The following GRM6 variants were observed in gnomAD, a reference collection of about 807,000 sequenced individuals.
The protein encoded by GRM6 is metabotropic glutamate receptor 6.
A neutral mutation model predicts 78.4 loss-of-function variants in GRM6; 73 were observed. The ratio of observed to expected loss-of-function variants is 0.93; its 90% CI spans 0.77 to 1.13. The LOEUF (loss-of-function observed/expected upper bound fraction) is 1.13. Among genes scored for constraint, GRM6 ranks in the 50% most tolerant of loss-of-function variants. The pLI is 0.00. For synonymous variants in GRM6, 580 were observed against 555.0 expected (o/e 1.05, Z -0.63); for missense variants, 1,251 against 1,256.4 (o/e 1.00, Z 0.07).
At chr5:178,985,426 G>T (rs1760493189) in intron 9 of GRM6, 3 of 355,986 alleles carry the variant, frequency 8.4e-6, no homozygotes, top group Non-Finnish European at 1.1e-5. Flanking sequence ...AAAACTCACT[G>T]GGCGCAGCGG....
Position 178,983,150 on chromosome 5 carries a change from C to A in GRM6, c.2196G>T (p.Thr732=). ...CCCCTCTGGCCTGCTCGGGGTCCAC[C>A]GTCCGCTGTTCCTCATAGTCAATCA... ...HSVIDYEEQR[T]VDPEQARGVL... Residue 732 remains threonine (T), a synonymous_variant, in exon 10 of 11, where the codon ACG becomes ACT. Coordinates refer to ENST00000517717, the MANE Select transcript of GRM6 (RefSeq NM_000843.4). 1 of 1,613,748 alleles carries A rather than the reference C, an allele frequency of 6.2e-7. No individual in the cohort carries two copies. The highest frequency in any genetic ancestry group is 8.5e-7 in the Non-Finnish European group (1 of 1,179,934).
chr5:178,994,411 G>T (rs1201130411), intron 2 of GRM6, 30 bp downstream of exon 2: 2 of 1,481,504 alleles, frequency 1.3e-6, no homozygotes, highest in Non-Finnish European at 1.8e-6. Flanking sequence ...GAGGGACGCT[G>T]GACACCGAGC....
rs1277580010 is a variant in GRM6 at position 178,978,692 on chromosome 5, A to AACAGT, written c.*2964_*2965insACTGT. 1 of 152,236 alleles carries AACAGT rather than the reference A, an allele frequency of 6.6e-6. No homozygotes were observed. Among genetic ancestry groups the AACAGT allele is most frequent in the Non-Finnish European group, 1.5e-5 (1 of 68,040 alleles). The allele number at this position is 152,236 out of a possible 1,614,324, so 9.4% of individuals were successfully genotyped here. A position where few individuals can be genotyped will look rare whatever the true frequency, so the allele number is the denominator to read the frequency against. On this transcript the variant is annotated 3_prime_UTR_variant, in exon 11 of 11. Transcript: ENST00000517717. ...TAAACATGGAATAAGCCTCCAACCC[A>AACAGT]GAACTCCATTTTCACTGGAACATAT... is the stretch of plus-strand genomic sequence containing the variant.
Position 178,991,395 on chromosome 5 carries a change from G to C in GRM6, c.857+29C>G. On this transcript the variant is annotated intron_variant, in intron 4 of 10. Coordinates refer to ENST00000517717, the MANE Select transcript of GRM6 (RefSeq NM_000843.4). The surrounding 1 kb of genome is among the most constrained non-coding windows in gnomAD (Gnocchi z 5.0). ...GGTGGGACCCTCAGGGAGAGCCCCA[G>C]GGGCCCGGTGATTGTGCCACTGTCC... 6.2e-7 allele frequency: 1 copy of C among 1,610,930 alleles called. No homozygotes were observed. The highest frequency in any genetic ancestry group is 8.5e-7 in the Non-Finnish European group (1 of 1,177,274).
rs2645339 is a variant in GRM6, at chr5:178,989,062, G to T, written c.1227C>A (p.Tyr409Ter). ...GKVQFVIDAV[Y>*]AIAHALHSMH... The stretch of plus-strand genomic sequence containing the variant: ...TGCTGTGGAGGGCGTGGGCAATGGC[G>T]TACACCGCATCAATCACAAACTGCA... Residue 409 changes from tyrosine to a stop codon, truncating the protein, a stop_gained, in exon 7 of 11, where the codon TAC becomes TAA. Coordinates refer to ENST00000517717, the MANE Select transcript of GRM6 (RefSeq NM_000843.4). LOFTEE classifies it high-confidence loss of function. The T allele has an allele frequency of 1.2e-6, 2 of 1,613,508 alleles. No individual in the cohort carries two copies. The highest frequency in any genetic ancestry group is 1.7e-6 in the Non-Finnish European group (2 of 1,179,712).
At position 178,991,738 on chromosome 5, in the gene GRM6, A is replaced by T. The variant is rs1260689939; in HGVS notation, c.721+129T>A. On this transcript the variant is annotated intron_variant, in intron 3 of 10. Coordinates refer to ENST00000517717, the MANE Select transcript of GRM6 (RefSeq NM_000843.4). The surrounding 1 kb of genome is among the most constrained non-coding windows in gnomAD (Gnocchi z 5.0). ...TCCAAAACAAAGAGGTCCCGCCCAC[A>T]TGGAGCACCAGCCAGGCAACCTCGG... 1.8e-6 allele frequency: 2 copies of T among 1,110,260 alleles called. No individual in the cohort carries two copies. The highest frequency in any genetic ancestry group is 3.7e-5 in the Admixed American group (2 of 53,546). The allele number at this position is 1,110,260 out of a possible 1,614,324, so 68.8% of individuals were successfully genotyped here.
Position 178,992,748 on chromosome 5 carries a change from T to G in GRM6, c.505-665A>C, listed in dbSNP as rs187774599. On this transcript the variant is annotated intron_variant, in intron 2 of 10. Transcript: ENST00000517717. This position sits in a 1 kb window ranked among gnomAD's most constrained non-coding sequence, Gnocchi z 4.9. ...AGAGGGGCTATAGCAGGAGCTGGTG[T>G]GAAGGCCAGAGAGGGGGAGTTTCTG... Among the ~76,000 whole-genome samples the G allele has an allele frequency of 2.2e-3, 309 of 143,638 alleles. No homozygotes were observed. Among genetic ancestry groups the G allele is most frequent in the African/African-American group, 7.4e-3 (283 of 38,262 alleles). The allele number at this position is 143,638 out of a possible 152,430, so 94.2% of individuals were successfully genotyped here.
intron 7 of GRM6, chr5:178,987,532 T>C: frequency 2.3e-6 from 1 of 436,312 alleles, no homozygotes; most frequent in East Asian, 7.1e-5. Flanking sequence ...CTGGAGGACA[T>C]GATGCTCGGT....
rs73336567 is a variant in GRM6 at position 178,987,281 on chromosome 5, A to G, written c.1355-298T>C. The G allele has an allele frequency of 5.0e-3, 2,811 of 557,082 alleles. 59 individuals are homozygous for G. The highest frequency in any genetic ancestry group is 0.046 in the African/African-American group (2,461 of 53,852). 34.5% of individuals were successfully genotyped at this position (557,082 alleles called of 1,614,324 possible). ...AGTGTGGAGCCTCCTCAAAAGATTA[A>G]ACACATGACCCAGCAGTTCCACTCC... On this transcript the variant is annotated intron_variant, in intron 7 of 10. Transcript: ENST00000517717.
At chr5:178,985,260 A>T (rs1450293914) in intron 9 of GRM6, 2 of 456,464 alleles carry the variant, frequency 4.4e-6, no homozygotes, top group Non-Finnish European at 4.4e-6. Context: ...TTAGAAAATA[A>T]CTTCACTGTT....
In GRM6 at chr5:178,991,265, C is replaced by A. The variant is rs1760665367; in HGVS notation, c.857+159G>T. Among the ~76,000 whole-genome samples the A allele has an allele frequency of 6.6e-6, 1 of 151,724 alleles. No homozygotes were observed. Among genetic ancestry groups the A allele is most frequent in the South Asian group, 2.1e-4 (1 of 4,784 alleles). On this transcript the variant is annotated intron_variant, in intron 4 of 10. Transcript: ENST00000517717. The surrounding 1 kb of genome is among the most constrained non-coding windows in gnomAD (Gnocchi z 5.0). ...CTCCCCAGACCAGGCTGCTTCTGAG[C>A]CTGGGCACCAGACTCAGAGGCAGCA...
Position 178,986,444 on chromosome 5 carries a change from C to G in GRM6, c.1810G>C (p.Val604Leu). 1 of 1,613,264 alleles carries G rather than the reference C, an allele frequency of 6.2e-7. No individual in the cohort carries two copies. The highest frequency in any genetic ancestry group is 8.5e-7 in the Non-Finnish European group (1 of 1,179,900). ...VLGIVATTTV[V>L]ATFVRYNNTP... ...TTGTTGTACCGCACGAAGGTGGCCA[C>G]CACCGTGGTAGTGGCCACGATGCCC... is the stretch of plus-strand genomic sequence containing the variant. The change falls in exon 9 of 11, where the codon GTG becomes CTG. Residue 604 changes from valine (V) to leucine (L), a missense_variant. Transcript: ENST00000517717.
rs1170063879 is a variant in GRM6, at chr5:178,991,683, C to G, written c.722-124G>C. ...GCAGGGGTGAAGTCTGGCCTGCACC[C>G]TCCGCCAAGCCTGAGGCAGGGCTGA... On this transcript the variant is annotated intron_variant, in intron 3 of 10. Transcript: ENST00000517717. This position sits in a 1 kb window ranked among gnomAD's most constrained non-coding sequence, Gnocchi z 5.0. The G allele has an allele frequency of 1.6e-6, 2 of 1,288,738 alleles. No individual in the cohort carries two copies. The highest frequency in any genetic ancestry group is 2.2e-6 in the Non-Finnish European group (2 of 890,674). The allele number at this position is 1,288,738 out of a possible 1,614,324, so 79.8% of individuals were successfully genotyped here. A position where few individuals can be genotyped will look rare whatever the true frequency, so the allele number is the denominator to read the frequency against.
rs1488200139 is a variant in GRM6 at position 178,991,178 on chromosome 5, C to G, written c.857+246G>C. Among the ~76,000 whole-genome samples, 1 of 152,102 alleles carries G rather than the reference C, an allele frequency of 6.6e-6. No individual in the cohort carries two copies. The highest frequency in any genetic ancestry group is 1.5e-5 in the Non-Finnish European group (1 of 68,004). On this transcript the variant is annotated intron_variant, in intron 4 of 10. Transcript: ENST00000517717. This position sits in a 1 kb window ranked among gnomAD's most constrained non-coding sequence, Gnocchi z 5.0. ...TTCTGCCCACAGGTCCCTCCCCGCACCCCCAGGAGCTGTAAACACAGACAC... is the reference window on the plus strand; with the variant it reads ...TTCTGCCCACAGGTCCCTCCCCGCAGCCCCAGGAGCTGTAAACACAGACAC...
intron 10 of GRM6, among the ~76,000 whole-genome samples, chr5:178,982,576 CAAAAAAAAAAAAAAAA>C (rs70997654): frequency 5.0e-5 from 1 of 20,168 alleles, no homozygotes; most frequent in African/African-American, 2.5e-4. Flanking sequence ...GACTCTGTCT[CAAAAAAAAAAAAAAAA>C]AAAAAAAAAA....
rs1193824549 is a variant in GRM6 at position 178,991,950 on chromosome 5, C to T, written c.638G>A (p.Trp213Ter). Residue 213 changes from tryptophan (W) to a stop codon, truncating the protein, a stop_gained, in exon 3 of 11, where the codon TGG becomes TAG. Coordinates refer to ENST00000517717, the MANE Select transcript of GRM6 (RefSeq NM_000843.4). LOFTEE classifies it high-confidence loss of function. The surrounding 1 kb of genome is among the most constrained non-coding windows in gnomAD (Gnocchi z 5.0). ...GGAGGCCAGCGTGGACACATAGTTC[C>T]ATCCCAGTGCCCTCACGATGTCCAC... ...AMVDIVRALGWNYVSTLASEG... is the reference protein window; with the variant it reads ...AMVDIVRALG The T allele has an allele frequency of 6.2e-7, 1 of 1,614,164 alleles. No homozygotes were observed. The highest frequency in any genetic ancestry group is 8.5e-7 in the Non-Finnish European group (1 of 1,180,028).
chr5:178,992,153 G>A lies in GRM6; in HGVS notation c.505-70C>T, dbSNP rs750208759. The A allele has an allele frequency of 5.7e-6, 6 of 1,051,692 alleles. No homozygotes were observed. Among genetic ancestry groups the A allele is most frequent in the Non-Finnish European group, 7.3e-6 (5 of 685,794 alleles). The allele number at this position is 1,051,692 out of a possible 1,614,324, so 65.1% of individuals were successfully genotyped here. A position where few individuals can be genotyped will look rare whatever the true frequency, so the allele number is the denominator to read the frequency against. On this transcript the variant is annotated intron_variant, in intron 2 of 10. Transcript: ENST00000517717. This position sits in a 1 kb window ranked among gnomAD's most constrained non-coding sequence, Gnocchi z 4.9. ...ACTCAAGAGAGGGAGGGTAAGGGGGGCCCAGGACACGGACGGGGCACAGAA... is the reference window on the plus strand; with the variant it reads ...ACTCAAGAGAGGGAGGGTAAGGGGGACCCAGGACACGGACGGGGCACAGAA...
rs1473698932 is a variant in GRM6, at chr5:178,980,102, G to C, written c.*1555C>G. 6 of 154,362 alleles carry C rather than the reference G, an allele frequency of 3.9e-5. No homozygotes were observed. Among genetic ancestry groups the C allele is most frequent in the Non-Finnish European group, 7.3e-5 (5 of 68,212 alleles). The allele number at this position is 154,362 out of a possible 1,614,324, so 9.6% of individuals were successfully genotyped here. On this transcript the variant is annotated 3_prime_UTR_variant, in exon 11 of 11. Coordinates refer to ENST00000517717, the MANE Select transcript of GRM6 (RefSeq NM_000843.4). This position sits in a 1 kb window ranked among gnomAD's most constrained non-coding sequence, Gnocchi z 4.3. Reference sequence around the variant, plus strand: ...CTTTTAAGTTAATTACTTAAAACCTGCAGAAGCACCTAGTCCCACGGTCAA... The same window carrying C: ...CTTTTAAGTTAATTACTTAAAACCTCCAGAAGCACCTAGTCCCACGGTCAA...
Position 178,978,787 on chromosome 5 carries a change from A to G in GRM6, c.*2870T>C, listed in dbSNP as rs1022191984. 3.3e-5 allele frequency: 5 copies of G among 152,254 alleles called. No individual in the cohort carries two copies. Among genetic ancestry groups the G allele is most frequent in the South Asian group, 2.1e-4 (1 of 4,834 alleles). 9.4% of individuals were successfully genotyped at this position (152,254 alleles called of 1,614,324 possible). ...CGGTGCAGGTCAGCTCTCACTCGAC[A>G]TAAGAGAAACCACACTGGAAGAATG... On this transcript the variant is annotated 3_prime_UTR_variant, in exon 11 of 11. Coordinates refer to ENST00000517717, the MANE Select transcript of GRM6 (RefSeq NM_000843.4).
Sources: gnomAD v4.1 joint callset for allele counts (sites outside exome capture counted in the v4.1 genomes callset) on GRCh38, gnomAD v4.1.1 for gene constraint, Gnocchi (gnomAD v3.1) non-coding constraint, MANE v1.5 for transcripts, NCBI Gene and HGNC (gene_info 2026-07-23, HGNC 2026-07-21) for gene names.